The following STAG1 variants were observed in gnomAD, a reference collection of about 807,000 sequenced individuals.
STAG1 encodes the protein STAG1 cohesin complex component.
A neutral mutation model predicts 170.9 loss-of-function variants in STAG1; 26 were observed. The observed-to-expected ratio is 0.15, with a 90% confidence interval of 0.11 to 0.21. STAG1 has a LOEUF of 0.21. Ranked by LOEUF, STAG1 falls within the 10% of genes least tolerant of loss-of-function variation. The pLI is 1.00. For synonymous variants in STAG1, 514 were observed against 497.7 expected (o/e 1.03, Z -0.44); for missense variants, 964 against 1,509.5 (o/e 0.64, Z 5.99).
At position 136,565,011 on chromosome 3, in the gene STAG1, A is replaced by AAGGC. The variant is rs1553746573; in HGVS notation, c.394+3750_394+3753dup. ...GAAGGAAGGAAGGAAGGAAGGAAGG[A>AAGGC]AGGCAGGCAGGCAGGCAGGCAGGCA... On this transcript the variant is annotated intron_variant, in intron 5 of 33. Transcript: ENST00000383202. Among the ~76,000 whole-genome samples, 75 of 45,432 alleles carry AAGGC rather than the reference A, an allele frequency of 1.7e-3. 1 individual carries two copies. Among genetic ancestry groups the AAGGC allele is most frequent in the Non-Finnish European group, 2.4e-3 (53 of 22,382 alleles). 29.8% of individuals were successfully genotyped at this position (45,432 alleles called of 152,430 possible). A position where few individuals can be genotyped will look rare whatever the true frequency, so the allele number is the denominator to read the frequency against.
chr3:136,452,248 A>C (rs2088965101), intron 13 of STAG1, 101 bp from the exon 14 acceptor site: 1 of 746,202 alleles, frequency 1.3e-6, no homozygotes, highest in Non-Finnish European at 2.4e-6. Flanking sequence ...ACAACAACAA[A>C]AAGGGGGAGC....
At chr3:136,716,091 T>C (rs113769562) in intron 1 of STAG1, among the ~76,000 whole-genome samples, 7 of 148,030 alleles carry the variant, frequency 4.7e-5, no homozygotes, top group African/African-American at 1.5e-4. Context: ...CAGAGAGACT[T>C]CATCTCAAAA....
chr3:136,374,404 G>T (rs1306219273), intron 23 of STAG1, among the ~76,000 whole-genome samples: 1 of 152,152 alleles, frequency 6.6e-6, no homozygotes, highest in Non-Finnish European at 1.5e-5. Context: ...GATCACCTGA[G>T]GTTGGGAATT....
chr3:136,528,999 A>C (rs1935223390), intron 6 of STAG1, among the ~76,000 whole-genome samples: 1 of 152,096 alleles, frequency 6.6e-6, no homozygotes, highest in Admixed American at 6.6e-5. Flanking sequence ...AAATTTTGGA[A>C]CTGAATAATT....
chr3:136,731,594 G>A lies in STAG1; in HGVS notation c.-84+20601C>T, dbSNP rs544382857. 2.0e-3 allele frequency among the ~76,000 whole-genome samples: 302 copies of A among 152,330 alleles called. 1 individual carries two copies. Among genetic ancestry groups the A allele is most frequent in the African/African-American group, 5.8e-3 (242 of 41,574 alleles). The stretch of plus-strand genomic sequence containing the variant: ...ATAAGCCTATCAAGTAAAGATTTCC[G>A]AAGAAGGTACTACCTAAGTTCTGAG... On this transcript the variant is annotated intron_variant, in intron 1 of 33. Coordinates refer to ENST00000383202, the MANE Select transcript of STAG1 (RefSeq NM_005862.3).
chr3:136,722,380 T>C (rs1477828813), intron 1 of STAG1, among the ~76,000 whole-genome samples: 3 of 152,106 alleles, frequency 2.0e-5, no homozygotes, highest in African/African-American at 7.2e-5. Context: ...GTCTATGTGG[T>C]CTCATTTCAA....
intron 5 of STAG1, among the ~76,000 whole-genome samples, chr3:136,554,309 G>A (rs1371000381): frequency 6.6e-6 from 1 of 152,144 alleles, no homozygotes; most frequent in East Asian, 1.9e-4. Flanking sequence ...CAACCATGAT[G>A]TGGGATTTTA....
chr3:136,544,301 T>C (rs1017864298), intron 5 of STAG1, among the ~76,000 whole-genome samples: 4 of 152,164 alleles, frequency 2.6e-5, no homozygotes. Context: ...TCATTTTCAA[T>C]TCTCCTCCTC....
intron 5 of STAG1, among the ~76,000 whole-genome samples, chr3:136,555,983 C>T (rs1401206784): frequency 2.0e-5 from 3 of 152,094 alleles, no homozygotes; most frequent in Admixed American, 2.0e-4. Flanking sequence ...AAGCAAGATA[C>T]TAGCAAACCA....
chr3:136,478,069 C>A (rs189556526), intron 9 of STAG1, among the ~76,000 whole-genome samples: 1 of 152,108 alleles, frequency 6.6e-6, no homozygotes, highest in Non-Finnish European at 1.5e-5. Context: ...GGATTACACG[C>A]GTGAGCCACT....
At chr3:136,691,379 G>A (rs2107897742) in intron 1 of STAG1, among the ~76,000 whole-genome samples, 1 of 151,668 alleles carries the variant, frequency 6.6e-6, no homozygotes, top group Middle Eastern at 3.4e-3. Flanking sequence ...AGCTTGCGGT[G>A]AGCCAAGACT....
At chr3:136,699,638 G>A (rs964478224) in intron 1 of STAG1, among the ~76,000 whole-genome samples, 1 of 151,794 alleles carries the variant, frequency 6.6e-6, no homozygotes, top group Non-Finnish European at 1.5e-5. Context: ...TTGGATGGAG[G>A]TAGAGGCCAT....
Position 136,359,198 on chromosome 3 carries a change from T to G in STAG1, c.2886A>C (p.Thr962=), listed in dbSNP as rs61748114. 6.2e-7 allele frequency: 1 copy of G among 1,613,776 alleles called. No homozygotes were observed. The highest frequency in any genetic ancestry group is 1.3e-5 in the African/African-American group (1 of 74,884). Residue 962 remains threonine, a synonymous_variant, in exon 27 of 34, where the codon ACA becomes ACC. Coordinates refer to ENST00000383202, the MANE Select transcript of STAG1 (RefSeq NM_005862.3). ...GTGTCTTAATCTGGTCCAATCCAAA[T>G]GTAAGGGCAAAGCGACGTGCCAGTT... ...IKELARRFAL[T]FGLDQIKTRE...
At chr3:136,650,968 C>T (rs574542472) in intron 1 of STAG1, among the ~76,000 whole-genome samples, 1 of 151,320 alleles carries the variant, frequency 6.6e-6, no homozygotes, top group African/African-American at 2.4e-5. Flanking sequence ...GAAAAGCACT[C>T]CCCACAGGGA....
chr3:136,639,093 C>T (rs1940694820), intron 1 of STAG1, among the ~76,000 whole-genome samples: 1 of 148,226 alleles, frequency 6.7e-6, no homozygotes. Context: ...ACCTTCCTGT[C>T]AAAATTACAA....
At chr3:136,457,048 G>A (rs974650270) in intron 13 of STAG1, among the ~76,000 whole-genome samples, 1 of 152,162 alleles carries the variant, frequency 6.6e-6, no homozygotes, top group Non-Finnish European at 1.5e-5. Flanking sequence ...TAATGTGTTG[G>A]CAGAAAAGCT....
intron 1 of STAG1, among the ~76,000 whole-genome samples, chr3:136,678,482 T>C (rs1243796288): frequency 5.3e-5 from 8 of 151,152 alleles, no homozygotes; most frequent in Non-Finnish European, 1.0e-4. Context: ...GTAGATTCCC[T>C]TATGTTATCC....
chr3:136,597,063 G>C (rs867147855), intron 4 of STAG1, among the ~76,000 whole-genome samples: 1 of 152,104 alleles, frequency 6.6e-6, no homozygotes, highest in African/African-American at 2.4e-5. Context: ...GCGACAGAGC[G>C]AGACTGTATC....
intron 1 of STAG1, among the ~76,000 whole-genome samples, chr3:136,680,897 C>T (rs1942310464): frequency 6.7e-6 from 1 of 150,358 alleles, no homozygotes; most frequent in Admixed American, 6.7e-5. Flanking sequence ...CCCCACCCCA[C>T]CCTTGTGAAT....
Sources: gnomAD v4.1 joint callset for allele counts (sites outside exome capture counted in the v4.1 genomes callset) on GRCh38, gnomAD v4.1.1 for gene constraint, MANE v1.5 for transcripts, NCBI Gene and HGNC (gene_info 2026-07-23, HGNC 2026-07-21) for gene names.